The following PRKCB variants were observed in gnomAD, a reference collection of about 807,000 sequenced individuals.
The protein encoded by PRKCB is protein kinase C beta, also known as protein kinase C beta type.
Under a neutral mutation model 81.5 loss-of-function variants are expected in PRKCB, and 13 were observed. The ratio of observed to expected loss-of-function variants is 0.16; its 90% CI spans 0.10 to 0.25. The LOEUF is 0.25. Among genes scored for constraint, PRKCB ranks in the 10% least tolerant of loss-of-function variants. The pLI is 1.00. For missense variants in PRKCB, 509 were observed against 875.7 expected (o/e 0.58, Z 5.29); for synonymous variants, 335 against 321.4 (o/e 1.04, Z -0.45).
At chr16:23,883,793 G>A (rs534309281) in intron 2 of PRKCB, among the ~76,000 whole-genome samples, 4 of 152,130 alleles carry the variant, frequency 2.6e-5, no homozygotes, top group Admixed American at 6.5e-5. Context: ...TTTGAACTTC[G>A]TAGCAATCCC....
At chr16:24,151,705 A>T (rs1967081767) in intron 9 of PRKCB, 1 of 432,176 alleles carries the variant, frequency 2.3e-6, no homozygotes, top group Non-Finnish European at 4.7e-6. Flanking sequence ...AAGAAAGAAC[A>T]GGATGTGGTC....
At chr16:24,066,946 C>T (rs1193258926) in intron 5 of PRKCB, among the ~76,000 whole-genome samples, 1 of 152,126 alleles carries the variant, frequency 6.6e-6, no homozygotes, top group Non-Finnish European at 1.5e-5. Context: ...AACTCCTGGC[C>T]TCAAGCAATC....
At chr16:23,862,341 C>T (rs77830525) in intron 2 of PRKCB, among the ~76,000 whole-genome samples, 2,065 of 152,242 alleles carry the variant, frequency 0.014, 51 homozygotes, top group African/African-American at 0.046. Flanking sequence ...GGTTTAGACA[C>T]AGAATTTGGG....
chr16:23,852,429 A>G (rs1024379700), intron 2 of PRKCB, among the ~76,000 whole-genome samples: 4 of 151,912 alleles, frequency 2.6e-5, no homozygotes, highest in Non-Finnish European at 4.4e-5. Flanking sequence ...ATTGATTTCT[A>G]TGTGTTGAAC....
At chr16:24,197,755 C>T (rs1967900709) in intron 16 of PRKCB, among the ~76,000 whole-genome samples, 1 of 152,104 alleles carries the variant, frequency 6.6e-6, no homozygotes, top group East Asian at 1.9e-4. Context: ...ATCCTCAGGT[C>T]CTCCCCAGTT....
intron 5 of PRKCB, among the ~76,000 whole-genome samples, chr16:24,072,764 T>C (rs1372071812): frequency 6.6e-6 from 1 of 152,106 alleles, no homozygotes; most frequent in African/African-American, 2.4e-5. Flanking sequence ...GTATTTTTAG[T>C]AGAGACGGGG....
At chr16:24,174,650 C>T (rs541418978) in intron 12 of PRKCB, 70 bp downstream of exon 12, 188 of 1,369,686 alleles carry the variant, frequency 1.4e-4, no homozygotes, top group Non-Finnish European at 1.8e-4. Flanking sequence ...CCTCTTTCTT[C>T]AGCTGCTTTT....
chr16:24,117,625 A>G (rs1476619802), intron 8 of PRKCB, among the ~76,000 whole-genome samples: 2 of 152,174 alleles, frequency 1.3e-5, no homozygotes, highest in Admixed American at 1.3e-4. Flanking sequence ...AGAGCCAGTC[A>G]TTGTCCTGGG....
At chr16:24,149,233 C>T (rs138045667) in intron 9 of PRKCB, among the ~76,000 whole-genome samples, 4 of 152,278 alleles carry the variant, frequency 2.6e-5, no homozygotes, top group African/African-American at 9.6e-5. Context: ...TTAAGGCAGC[C>T]GCAGTGCCTG....
chr16:24,124,879 C>T (rs538575770), intron 9 of PRKCB, among the ~76,000 whole-genome samples: 45 of 152,252 alleles, frequency 3.0e-4, no homozygotes, highest in South Asian at 1.5e-3. Context: ...CAGCCATGTA[C>T]AATGCATTGG....
At chr16:24,090,474 A>G (rs921504439) in intron 5 of PRKCB, among the ~76,000 whole-genome samples, 1 of 152,152 alleles carries the variant, frequency 6.6e-6, no homozygotes, top group African/African-American at 2.4e-5. Flanking sequence ...AGGTATTTGA[A>G]TTTAAGTAGG....
At chr16:23,948,346 A>T (rs1309598416) in intron 2 of PRKCB, among the ~76,000 whole-genome samples, 1 of 152,080 alleles carries the variant, frequency 6.6e-6, no homozygotes, top group Non-Finnish European at 1.5e-5. Context: ...GTGGGCTTCC[A>T]TGTTTATAAA....
intron 9 of PRKCB, among the ~76,000 whole-genome samples, chr16:24,153,688 G>A (rs1052289491): frequency 6.6e-6 from 1 of 152,140 alleles, no homozygotes; most frequent in Non-Finnish European, 1.5e-5. Flanking sequence ...AGAAAATACC[G>A]ATGTGTCTGT....
At chr16:23,893,629 A>G (rs1963327960) in intron 2 of PRKCB, 1 of 152,254 alleles carries the variant, frequency 6.6e-6, no homozygotes, top group Non-Finnish European at 1.5e-5. Context: ...TCCCATGCAT[A>G]TAAATATGTG....
rs141125259 is a variant in PRKCB at position 23,910,446 on chromosome 16, C to G, written c.205+73040C>G. Among the ~76,000 whole-genome samples the G allele has an allele frequency of 2.5e-3, 384 of 152,258 alleles. 2 individuals carry two copies. Among genetic ancestry groups the G allele is most frequent in the Non-Finnish European group, 4.1e-3 (282 of 68,022 alleles). ...CCTTCTGATCGGGCTGAGGAGAAAG[C>G]CTCAGGTTGGTGCTGATGTGCTTTT... On this transcript the variant is annotated intron_variant, in intron 2 of 16. Transcript: ENST00000643927.
chr16:24,136,858 T>A (rs889647813), intron 9 of PRKCB, among the ~76,000 whole-genome samples: 1 of 152,032 alleles, frequency 6.6e-6, no homozygotes, highest in African/African-American at 2.4e-5. Context: ...TATTATTTTT[T>A]ATTTTAATTT....
At chr16:24,133,130 TG>T (rs377637988) in intron 9 of PRKCB, among the ~76,000 whole-genome samples, 9 of 152,066 alleles carry the variant, frequency 5.9e-5, no homozygotes, top group African/African-American at 2.2e-4. Flanking sequence ...TTAATCTCAG[TG>T]CTTTGGGAGG....
At chr16:24,035,297 G>A (rs1257457274) in intron 4 of PRKCB, 122 bp from the exon 5 acceptor site, 17 of 1,310,610 alleles carry the variant, frequency 1.3e-5, no homozygotes, top group South Asian at 8.5e-5. Flanking sequence ...AGCCAGGCTC[G>A]TGTGTCTCAG....
chr16:24,045,097 A>G (rs1342150516), intron 5 of PRKCB, among the ~76,000 whole-genome samples: 1 of 152,184 alleles, frequency 6.6e-6, no homozygotes, highest in African/African-American at 2.4e-5. Context: ...TGCAATACAT[A>G]TCATTTCCGC....
Sources: allele counts gnomAD v4.1 joint callset (sites outside exome capture counted in the v4.1 genomes callset), GRCh38; gene constraint gnomAD v4.1.1; transcripts MANE v1.5; gene names NCBI Gene and HGNC (gene_info 2026-07-23, HGNC 2026-07-21).